MRTFA: variants seen among roughly 807,000 people sequenced by gnomAD.
MRTFA encodes myocardin related transcription factor A, also known as myocardin-related transcription factor A.
A neutral mutation model predicts 83.5 loss-of-function variants in MRTFA; 20 were observed. The observed-to-expected ratio is 0.24, with a 90% confidence interval of 0.17 to 0.35. The LOEUF is 0.35. Ranked by LOEUF, MRTFA falls within the 10% of genes least tolerant of loss-of-function variation. The pLI is 1.00. For synonymous variants in MRTFA, 659 were observed against 541.2 expected (o/e 1.22, Z -3.02); for missense variants, 1,200 against 1,224.7 (o/e 0.98, Z 0.30).
chr22:40,480,742 A>ATT (rs2054075062), intron 3 of MRTFA, among the ~76,000 whole-genome samples: 1 of 126,796 alleles, frequency 7.9e-6, no homozygotes, highest in African/African-American at 3.4e-5. Flanking sequence ...GGAGTTCAAG[A>ATT]CTTTTTTTTT....
intron 3 of MRTFA, among the ~76,000 whole-genome samples, chr22:40,518,019 C>G (rs1203976490): frequency 6.6e-6 from 1 of 152,130 alleles, no homozygotes; most frequent in African/African-American, 2.4e-5. Context: ...AGATGGTGCT[C>G]TGGGGGTCGT....
intron 3 of MRTFA, among the ~76,000 whole-genome samples, chr22:40,530,084 A>G (rs991766445): frequency 1.3e-5 from 2 of 152,186 alleles, no homozygotes; most frequent in Admixed American, 6.5e-5. Context: ...TTTTCTCTAC[A>G]AGTGAATTCT....
chr22:40,413,137 CA>C (rs35119560), intron 14 of MRTFA, among the ~76,000 whole-genome samples: 465 of 28,130 alleles, frequency 0.017, 5 homozygotes, highest in Admixed American at 0.11. Context: ...CACCCTGTCT[CA>C]AAAAAAAAAA....
At chr22:40,607,726 A>G (rs933358703) in intron 1 of MRTFA, among the ~76,000 whole-genome samples, 1 of 152,218 alleles carries the variant, frequency 6.6e-6, no homozygotes, top group African/African-American at 2.4e-5. Context: ...ATCCATTTCT[A>G]TGATCACTAA....
chr22:40,571,087 T>C (rs2055785920), intron 2 of MRTFA, among the ~76,000 whole-genome samples: 2 of 145,206 alleles, frequency 1.4e-5, no homozygotes, highest in Admixed American at 1.4e-4. Context: ...TGTGCGCCTG[T>C]AGTCCCAGCT....
At chr22:40,535,648 T>C (rs2055158998) in intron 3 of MRTFA, among the ~76,000 whole-genome samples, 1 of 152,132 alleles carries the variant, frequency 6.6e-6, no homozygotes, top group Non-Finnish European at 1.5e-5. Flanking sequence ...CCACCACACC[T>C]GGTCTTTGTT....
chr22:40,559,485 T>C (rs1271907264), intron 2 of MRTFA, among the ~76,000 whole-genome samples: 2 of 152,142 alleles, frequency 1.3e-5, no homozygotes, highest in South Asian at 2.1e-4. Flanking sequence ...AATGGAATGA[T>C]CATAGCTCAC....
intron 3 of MRTFA, among the ~76,000 whole-genome samples, chr22:40,485,233 C>T (rs1466854598): frequency 6.6e-6 from 1 of 152,172 alleles, no homozygotes; most frequent in Non-Finnish European, 1.5e-5. Flanking sequence ...ACTTTTCCTC[C>T]TCCTGATTTT....
intron 2 of MRTFA, chr22:40,587,083 T>C (rs1476029689): frequency 2.2e-6 from 1 of 453,760 alleles, no homozygotes; most frequent in Non-Finnish European, 4.5e-6. Context: ...CCCAGGACTC[T>C]ACGATGAATC....
At chr22:40,426,998 CCA>C (rs1394106511) in intron 7 of MRTFA, among the ~76,000 whole-genome samples, 1 of 152,206 alleles carries the variant, frequency 6.6e-6, no homozygotes, top group Non-Finnish European at 1.5e-5. Context: ...TGACTGGGAA[CCA>C]GACTCAGAAA....
At chr22:40,491,973 A>G (rs1296059842) in intron 3 of MRTFA, among the ~76,000 whole-genome samples, 1 of 152,256 alleles carries the variant, frequency 6.6e-6, no homozygotes, top group Non-Finnish European at 1.5e-5. Flanking sequence ...TCCCAAAGGC[A>G]CAAATACTCG....
intron 14 of MRTFA, among the ~76,000 whole-genome samples, chr22:40,413,328 TG>T (rs1254135500): frequency 6.7e-6 from 1 of 150,030 alleles, no homozygotes. Context: ...AAATTTTAGG[TG>T]TATTTTACCA....
chr22:40,448,205 GA>G (rs2053419715), intron 4 of MRTFA, among the ~76,000 whole-genome samples: 1 of 152,248 alleles, frequency 6.6e-6, no homozygotes, highest in South Asian at 2.1e-4. Flanking sequence ...AGCTGCTCGG[GA>G]GGCTGAGGCA....
chr22:40,542,371 GT>G lies in MRTFA; in HGVS notation c.241+9734del, dbSNP rs375654526. Among the ~76,000 whole-genome samples, 189 of 152,086 alleles carry G rather than the reference GT, an allele frequency of 1.2e-3. 7 individuals are homozygous for G. The South Asian group carries it at 0.038, about 31-fold the overall frequency. ...TTCTGTTATAATATCTTGTGTTTTT[GT>G]TTTTTTAAAAAGCAATTACCAAAGT... On this transcript the variant is annotated intron_variant, in intron 3 of 14. Transcript: ENST00000355630.
intron 3 of MRTFA, among the ~76,000 whole-genome samples, chr22:40,531,262 CTTT>C (rs397868211): frequency 2.8e-5 from 3 of 108,108 alleles, no homozygotes; most frequent in Non-Finnish European, 5.6e-5. Context: ...TCATACCTGG[CTTT>C]TTTTTTTTTT....
At chr22:40,470,786 T>C (rs887546150) in intron 3 of MRTFA, among the ~76,000 whole-genome samples, 1 of 151,016 alleles carries the variant, frequency 6.6e-6, no homozygotes, top group Non-Finnish European at 1.5e-5. Context: ...CTGTCTCTAC[T>C]AAAAATACAA....
chr22:40,433,651 T>A (rs1005078049), intron 5 of MRTFA: 2 of 152,292 alleles, frequency 1.3e-5, no homozygotes, highest in South Asian at 4.1e-4. Context: ...GAAAAAGAAA[T>A]GAAACTTCTC....
chr22:40,558,706 G>A (rs1217024133), intron 2 of MRTFA, among the ~76,000 whole-genome samples: 1 of 151,550 alleles, frequency 6.6e-6, no homozygotes, highest in African/African-American at 2.4e-5. Flanking sequence ...CCAAAAGAAA[G>A]CCAACCCAAG....
chr22:40,430,242 C>T (rs530048661), intron 6 of MRTFA, among the ~76,000 whole-genome samples: 181 of 152,256 alleles, frequency 1.2e-3, no homozygotes, highest in Middle Eastern at 6.8e-3. Context: ...AATCCCAGCA[C>T]TTTGGGAGGC....
Sources: allele counts gnomAD v4.1 joint callset (sites outside exome capture counted in the v4.1 genomes callset), GRCh38; gene constraint gnomAD v4.1.1; transcripts MANE v1.5; gene names NCBI Gene and HGNC (gene_info 2026-07-23, HGNC 2026-07-21).